NTNG1: variants seen among roughly 807,000 people sequenced by gnomAD.
NTNG1 encodes netrin-G1.
A neutral mutation model predicts 54.0 loss-of-function variants in NTNG1; 16 were observed. The ratio of observed to expected loss-of-function variants is 0.30; its 90% confidence interval spans 0.20 to 0.45. The LOEUF (loss-of-function observed/expected upper bound fraction) is 0.45, where lower values mean the gene tolerates loss of function less well. NTNG1 is among the 20% of genes least tolerant of loss of function. The probability of loss-of-function intolerance (pLI) is 1.00; values close to 1 mark genes in which losing one functional copy is unlikely to be tolerated. For missense variants in NTNG1, 530 were observed against 678.7 expected (o/e 0.78, Z 2.43); for synonymous variants, 255 against 263.1 (o/e 0.97, Z 0.30).
Position 107,480,599 on chromosome 1 carries a change from C to G in NTNG1, c.1391-12C>G. 1 of 1,452,572 alleles carries G rather than the reference C, an allele frequency of 6.9e-7. No homozygotes were observed. The highest frequency in any genetic ancestry group is 9.4e-7 in the Non-Finnish European group (1 of 1,058,668). The allele number at this position is 1,452,572 out of a possible 1,614,324, so 90.0% of individuals were successfully genotyped here. On this transcript the variant is annotated splice_polypyrimidine_tract_variant and intron_variant, in intron 7 of 7. Transcript: ENST00000370068. The stretch of plus-strand genomic sequence containing the variant: ...GCGCCCACCCACCCCTACCTTCCCC[C>G]TCATTCTGCAGCGAATGTCTGCGAC...
chr1:107,166,260 G>A (rs1256969614), intron 2 of NTNG1, among the ~76,000 whole-genome samples: 1 of 152,142 alleles, frequency 6.6e-6, no homozygotes, highest in Non-Finnish European at 1.5e-5. Flanking sequence ...AAACTGCAAA[G>A]TCTTGTATTT....
At chr1:107,179,782 A>G (rs901544591) in intron 2 of NTNG1, among the ~76,000 whole-genome samples, 2 of 152,122 alleles carry the variant, frequency 1.3e-5, no homozygotes, top group African/African-American at 4.8e-5. Context: ...AATTACTTTA[A>G]TATTCTTTTC....
chr1:107,295,180 A>G (rs1557876532), intron 2 of NTNG1, among the ~76,000 whole-genome samples: 1 of 152,206 alleles, frequency 6.6e-6, no homozygotes, highest in Non-Finnish European at 1.5e-5. Flanking sequence ...AGTGGAGCCC[A>G]GTGGAGCAAA....
At chr1:107,386,317 C>T (rs1671997448) in intron 3 of NTNG1, among the ~76,000 whole-genome samples, 1 of 151,608 alleles carries the variant, frequency 6.6e-6, no homozygotes. Flanking sequence ...TTACAGGCGC[C>T]CGCCACCAGG....
intron 3 of NTNG1, among the ~76,000 whole-genome samples, chr1:107,382,560 G>T (rs906713667): frequency 2.0e-5 from 3 of 152,102 alleles, no homozygotes; most frequent in South Asian, 2.1e-4. Flanking sequence ...TCACTATCTG[G>T]TTATTTTTTT....
intron 6 of NTNG1, 78 bp from the exon 7 acceptor site, chr1:107,436,587 G>A: frequency 1.6e-6 from 2 of 1,244,762 alleles, no homozygotes; most frequent in Non-Finnish European, 2.2e-6. Flanking sequence ...ATGCATTTAA[G>A]TACGTGACGC....
chr1:107,316,035 G>A (rs1667318692), intron 2 of NTNG1, among the ~76,000 whole-genome samples: 1 of 152,122 alleles, frequency 6.6e-6, no homozygotes, highest in Non-Finnish European at 1.5e-5. Context: ...TTAATAAAGA[G>A]GTGTTTCCCT....
intron 5 of NTNG1, among the ~76,000 whole-genome samples, chr1:107,422,148 G>T (rs1674613673): frequency 6.6e-6 from 1 of 152,026 alleles, no homozygotes. Context: ...GCTTTTAACC[G>T]TGGAACATAG....
intron 2 of NTNG1, among the ~76,000 whole-genome samples, chr1:107,264,365 G>A (rs1663589524): frequency 6.6e-6 from 1 of 152,128 alleles, no homozygotes; most frequent in South Asian, 2.1e-4. Context: ...AGGCTGAAAG[G>A]CCCATTCATT....
chr1:107,220,456 TCCACCATTTTCCTA>T (rs1173775905), intron 2 of NTNG1, among the ~76,000 whole-genome samples: 1 of 152,254 alleles, frequency 6.6e-6, no homozygotes, highest in East Asian at 1.9e-4. Context: ...TTGCCTTCTA[TCCACCATTTTCCTA>T]CCTCTTTCAC....
At chr1:107,464,374 T>C (rs1470054863) in intron 7 of NTNG1, among the ~76,000 whole-genome samples, 1 of 152,148 alleles carries the variant, frequency 6.6e-6, no homozygotes, top group East Asian at 1.9e-4. Context: ...CAGATCCTGA[T>C]AGGCTGAAGG....
chr1:107,283,589 T>C (rs922300564), intron 2 of NTNG1, among the ~76,000 whole-genome samples: 4 of 152,244 alleles, frequency 2.6e-5, no homozygotes, highest in Non-Finnish European at 5.9e-5. Flanking sequence ...GATTAATTGC[T>C]GTATTGCCAT....
At chr1:107,348,502 T>A (rs1414281372) in intron 3 of NTNG1, among the ~76,000 whole-genome samples, 1 of 152,172 alleles carries the variant, frequency 6.6e-6, no homozygotes, top group East Asian at 1.9e-4. Flanking sequence ...CTTAAATTAT[T>A]TCATTTTTAT....
intron 3 of NTNG1, among the ~76,000 whole-genome samples, chr1:107,389,593 G>A (rs538369343): frequency 3.3e-4 from 50 of 152,292 alleles, no homozygotes; most frequent in Admixed American, 9.8e-4. Context: ...ACTGGTGTTC[G>A]TAAAGTTTGC....
intron 3 of NTNG1, among the ~76,000 whole-genome samples, chr1:107,348,577 C>T (rs1175265682): frequency 1.3e-5 from 2 of 152,170 alleles, no homozygotes; most frequent in Non-Finnish European, 2.9e-5. Context: ...CTCAGACCTC[C>T]CTCCCACCTC....
At chr1:107,210,531 T>A (rs1017670213) in intron 2 of NTNG1, among the ~76,000 whole-genome samples, 2 of 152,158 alleles carry the variant, frequency 1.3e-5, no homozygotes, top group African/African-American at 4.8e-5. Flanking sequence ...CATTTGCCCA[T>A]TGTGCCTGGC....
chr1:107,295,638 A>G (rs1377210066), intron 2 of NTNG1, among the ~76,000 whole-genome samples: 1 of 152,194 alleles, frequency 6.6e-6, no homozygotes, highest in Non-Finnish European at 1.5e-5. Flanking sequence ...GATTATTTAT[A>G]CATTAATAAC....
intron 4 of NTNG1, among the ~76,000 whole-genome samples, chr1:107,405,229 T>C (rs1484540720): frequency 6.6e-6 from 1 of 152,182 alleles, no homozygotes; most frequent in African/African-American, 2.4e-5. Flanking sequence ...AATGATATTT[T>C]AAAATATAGT....
At chr1:107,407,355 A>G (rs560867396) in intron 4 of NTNG1, among the ~76,000 whole-genome samples, 1 of 152,226 alleles carries the variant, frequency 6.6e-6, no homozygotes, top group Non-Finnish European at 1.5e-5. Context: ...ACAAATGTTC[A>G]TTAACCTTAT....
Sources: allele counts gnomAD v4.1 joint callset (sites outside exome capture counted in the v4.1 genomes callset), GRCh38; gene constraint gnomAD v4.1.1; transcripts MANE v1.5; gene names NCBI Gene and HGNC (gene_info 2026-07-23, HGNC 2026-07-21).